GRIK3: variants seen among roughly 807,000 people sequenced by gnomAD.
GRIK3 encodes the protein glutamate ionotropic receptor kainate type subunit 3.
GRIK3 carries 29 observed loss-of-function variants against 102.5 expected under a neutral mutation model. The observed-to-expected ratio is 0.28, with a 90% CI of 0.21 to 0.39. The LOEUF (loss-of-function observed/expected upper bound fraction) is 0.39, where lower values mean the gene tolerates loss of function less well. GRIK3 is among the 10% of genes least tolerant of loss of function. The pLI is 1.00. For synonymous variants in GRIK3, 511 were observed against 504.9 expected (o/e 1.01, Z -0.16); for missense variants, 908 against 1,252.4 (o/e 0.73, Z 4.15).
chr1:36,837,225 C>A (rs1017990302), intron 10 of GRIK3, among the ~76,000 whole-genome samples: 1 of 152,152 alleles, frequency 6.6e-6, no homozygotes, highest in Non-Finnish European at 1.5e-5. Context: ...CAGCCCTGCT[C>A]CTTCCTCCAA....
intron 1 of GRIK3, among the ~76,000 whole-genome samples, chr1:36,905,442 CTT>C (rs563297835): frequency 6.9e-6 from 1 of 144,906 alleles, no homozygotes. Context: ...TTGCTTGGTG[CTT>C]TTTTTTTTGT....
chr1:36,987,874 A>G (rs1225317631), intron 1 of GRIK3, among the ~76,000 whole-genome samples: 1 of 152,190 alleles, frequency 6.6e-6, no homozygotes, highest in Non-Finnish European at 1.5e-5. Context: ...ACTTTGCACA[A>G]TGATCAGGGA....
intron 1 of GRIK3, among the ~76,000 whole-genome samples, chr1:36,907,403 T>A (rs1335287548): frequency 6.6e-6 from 1 of 152,128 alleles, no homozygotes; most frequent in Non-Finnish European, 1.5e-5. Context: ...GGCCATGCAT[T>A]TTTCATACAG....
intron 7 of GRIK3, among the ~76,000 whole-genome samples, chr1:36,854,251 C>T (rs1640622720): frequency 6.6e-6 from 1 of 152,188 alleles, no homozygotes; most frequent in Non-Finnish European, 1.5e-5. Context: ...CCACAATTAG[C>T]CGTGCGACCT....
At chr1:37,000,921 T>G (rs1343892247) in intron 1 of GRIK3, among the ~76,000 whole-genome samples, 1 of 152,210 alleles carries the variant, frequency 6.6e-6, no homozygotes, top group Non-Finnish European at 1.5e-5. Flanking sequence ...AAATATCCAC[T>G]GGCAAATACC....
intron 10 of GRIK3, among the ~76,000 whole-genome samples, chr1:36,829,022 A>G (rs1338361080): frequency 6.6e-6 from 1 of 152,200 alleles, no homozygotes; most frequent in Admixed American, 6.5e-5. Context: ...GCAGCATTCT[A>G]TACCTACGGT....
chr1:36,838,217 C>T (rs993442887), intron 10 of GRIK3, among the ~76,000 whole-genome samples: 1 of 152,172 alleles, frequency 6.6e-6, no homozygotes, highest in Non-Finnish European at 1.5e-5. Flanking sequence ...TTTGTTATCC[C>T]CATTTTGTAG....
chr1:37,008,505 T>C (rs1020093259), intron 1 of GRIK3, among the ~76,000 whole-genome samples: 8 of 152,242 alleles, frequency 5.3e-5, no homozygotes, highest in Non-Finnish European at 8.8e-5. Context: ...AATTAAATGA[T>C]GGAGAAAAAA....
At chr1:36,963,606 T>C (rs1337951603) in intron 1 of GRIK3, among the ~76,000 whole-genome samples, 2 of 152,192 alleles carry the variant, frequency 1.3e-5, no homozygotes, top group Admixed American at 6.5e-5. Context: ...GTTGCACAGC[T>C]GGGAAGTGGT....
Position 36,872,094 on chromosome 1 carries a change from A to C in GRIK3, c.732+94T>G, listed in dbSNP as rs568766981. 131 of 1,214,716 alleles carry C rather than the reference A, an allele frequency of 1.1e-4. No homozygotes were observed. In the East Asian group the frequency reaches 3.3e-3, roughly 31 times the overall value. 75.2% of individuals were successfully genotyped at this position (1,214,716 alleles called of 1,614,324 possible). On this transcript the variant is annotated intron_variant, in intron 4 of 15. Transcript: ENST00000373091. The surrounding 1 kb of genome is among the most constrained non-coding windows in gnomAD (Gnocchi z 5.9). ...TGGCAGAGCTAGGAGTCAAACTTAG[A>C]TCTGGCAGCATCACACCCACATTTG...
At chr1:36,977,913 C>T (rs1037468924) in intron 1 of GRIK3, among the ~76,000 whole-genome samples, 91 of 152,342 alleles carry the variant, frequency 6.0e-4, no homozygotes, top group African/African-American at 2.1e-3. Flanking sequence ...GGGGGCAGGC[C>T]CTGCAGGGCA....
chr1:36,806,702 C>T lies in GRIK3; in HGVS notation c.2092-376G>A, dbSNP rs1642505544. 6.6e-6 allele frequency among the ~76,000 whole-genome samples: 1 copy of T among 152,192 alleles called. No homozygotes were observed. Among genetic ancestry groups the T allele is most frequent in the Admixed American group, 6.5e-5 (1 of 15,288 alleles). ...TAACTCGTTGATTCTTCACAGCGCTCACAGGAGGCAGGCACCATCACAAGC... is the reference window on the plus strand; with the variant it reads ...TAACTCGTTGATTCTTCACAGCGCTTACAGGAGGCAGGCACCATCACAAGC... On this transcript the variant is annotated intron_variant, in intron 13 of 15. Coordinates refer to ENST00000373091, the MANE Select transcript of GRIK3 (RefSeq NM_000831.4). This position sits in a 1 kb window ranked among gnomAD's most constrained non-coding sequence, Gnocchi z 4.0.
rs1640962135 is a variant in GRIK3, at chr1:36,880,640, T to C, written c.544A>G (p.Ser182Gly). 1.2e-6 allele frequency: 2 copies of C among 1,613,964 alleles called. No individual in the cohort carries two copies. The highest frequency in any genetic ancestry group is 1.7e-6 in the Non-Finnish European group (2 of 1,179,976). Residue 182 changes from serine to glycine, a missense_variant, in exon 3 of 16, where the codon AGT becomes GGT. By Grantham distance (56) the Ser-to-Gly change is moderately conservative. This residue lies in a region of GRIK3 where 585 missense variants were observed against 824.9 expected (regional missense o/e 0.71). Transcript: ENST00000373091. This position sits in a 1 kb window ranked among gnomAD's most constrained non-coding sequence, Gnocchi z 5.4. Reference sequence around the variant, plus strand: ...GCCAGGCCTGGCCACCCACCTGTACTGTCGTCATAGACCACGGTGGCTGAC... The same window carrying C: ...GCCAGGCCTGGCCACCCACCTGTACCGTCGTCATAGACCACGGTGGCTGAC... The part of the protein sequence containing the change: ...WRSATVVYDD[S>G]TGLIRLQELI...
At position 36,992,869 on chromosome 1, in the gene GRIK3, T is replaced by C. The variant is rs141644856; in HGVS notation, c.115+41125A>G. ...GCACAAAAAGGCTACTGAACCAGGA[T>C]TGGAACTGGACAGTCTGATCCCAGG... On this transcript the variant is annotated intron_variant, in intron 1 of 15. Coordinates refer to ENST00000373091, the MANE Select transcript of GRIK3 (RefSeq NM_000831.4). Among the ~76,000 whole-genome samples the C allele has an allele frequency of 2.9e-4, 44 of 152,202 alleles. 1 individual carries two copies. The highest frequency in any genetic ancestry group is 1.1e-3 in the African/African-American group (44 of 41,546).
At chr1:36,960,765 A>G (rs972239886) in intron 1 of GRIK3, among the ~76,000 whole-genome samples, 1 of 152,148 alleles carries the variant, frequency 6.6e-6, no homozygotes, top group Non-Finnish European at 1.5e-5. Context: ...CTCTGGGCCT[A>G]TTTGGTCAGC....
chr1:36,825,890 A>G, intron 10 of GRIK3, 64 bp from the exon 11 acceptor site: 1 of 1,171,068 alleles, frequency 8.5e-7, no homozygotes, highest in Non-Finnish European at 1.2e-6. Context: ...GGGAGACAGA[A>G]CACCATTGCT....
At chr1:36,938,830 G>A (rs1007372671) in intron 1 of GRIK3, among the ~76,000 whole-genome samples, 1 of 152,166 alleles carries the variant, frequency 6.6e-6, no homozygotes, top group African/African-American at 2.4e-5. Flanking sequence ...AGAGGGGAGG[G>A]AGAAGACATT....
At chr1:36,901,493 A>G (rs1641231652) in intron 1 of GRIK3, among the ~76,000 whole-genome samples, 1 of 152,336 alleles carries the variant, frequency 6.6e-6, no homozygotes, top group South Asian at 2.1e-4. Context: ...CCAACACCCC[A>G]TTAATGATAA....
At chr1:36,950,490 T>C (rs187754304) in intron 1 of GRIK3, among the ~76,000 whole-genome samples, 12 of 152,344 alleles carry the variant, frequency 7.9e-5, no homozygotes, top group African/African-American at 2.9e-4. Context: ...TTGTGGCCAA[T>C]GTTTAAGCCC....
Sources: gnomAD v4.1 joint callset for allele counts (sites outside exome capture counted in the v4.1 genomes callset) on GRCh38, gnomAD v4.1.1 for gene constraint, gnomAD v4.1.1 regional missense constraint, Gnocchi (gnomAD v3.1) non-coding constraint, MANE v1.5 for transcripts, NCBI Gene and HGNC (gene_info 2026-07-23, HGNC 2026-07-21) for gene names.